The following CLVS1 variants were observed in gnomAD, a reference collection of about 807,000 sequenced individuals.
The protein encoded by CLVS1 is clavesin 1, also known as clavesin-1.
Under a neutral mutation model 33.1 loss-of-function variants are expected in CLVS1, and 10 were observed. The observed-to-expected ratio is 0.30, with a 90% CI of 0.19 to 0.51. CLVS1 has a LOEUF of 0.51. CLVS1 is among the 20% of genes least tolerant of loss of function. The probability of loss-of-function intolerance (pLI) is 0.97; values close to 1 mark genes in which losing one functional copy is unlikely to be tolerated. For missense variants in CLVS1, 343 were observed against 433.4 expected (o/e 0.79, Z 1.85); for synonymous variants, 163 against 166.1 (o/e 0.98, Z 0.14).
the CLVS1 span, among the ~76,000 whole-genome samples, chr8:60,978,035 G>C: frequency 6.6e-6 from 1 of 152,188 alleles, no homozygotes; most frequent in Non-Finnish European, 1.5e-5. Context: ...TGGAAACCAA[G>C]AATTGTATAT....
At chr8:61,123,736 G>A (rs1805920788) in intron 1 of CLVS1, among the ~76,000 whole-genome samples, 1 of 152,158 alleles carries the variant, frequency 6.6e-6, no homozygotes. Context: ...AAAGCCTGTG[G>A]AGGAATGGCC....
chr8:61,184,329 A>G (rs1807299305), intron 2 of CLVS1, among the ~76,000 whole-genome samples: 1 of 152,222 alleles, frequency 6.6e-6, no homozygotes, highest in African/African-American at 2.4e-5. Context: ...TGCAGATATC[A>G]ACTTTCCAAA....
At chr8:61,124,782 T>C (rs936976940) in intron 1 of CLVS1, among the ~76,000 whole-genome samples, 1 of 152,156 alleles carries the variant, frequency 6.6e-6, no homozygotes, top group Non-Finnish European at 1.5e-5. Flanking sequence ...TCAGACCTAG[T>C]CCTTGCTGTC....
At chr8:61,232,196 G>A (rs895773155) in intron 2 of CLVS1, among the ~76,000 whole-genome samples, 13 of 151,632 alleles carry the variant, frequency 8.6e-5, no homozygotes, top group African/African-American at 1.2e-4. Flanking sequence ...AACCATGCCC[G>A]GCTAATTTTT....
At chr8:61,193,666 T>A (rs1807542989) in intron 2 of CLVS1, among the ~76,000 whole-genome samples, 1 of 151,854 alleles carries the variant, frequency 6.6e-6, no homozygotes, top group Admixed American at 6.6e-5. Context: ...TACAAAACTA[T>A]CAAGAATGAA....
chr8:61,225,096 C>T (rs1286173917), intron 2 of CLVS1, among the ~76,000 whole-genome samples: 1 of 152,124 alleles, frequency 6.6e-6, no homozygotes, highest in Non-Finnish European at 1.5e-5. Context: ...GCGGGTGGAT[C>T]GCTTGAGTTC....
chr8:61,205,563 A>T (rs1490035633), intron 2 of CLVS1, among the ~76,000 whole-genome samples: 1 of 152,238 alleles, frequency 6.6e-6, no homozygotes, highest in Non-Finnish European at 1.5e-5. Flanking sequence ...TGCTATGAAC[A>T]TGATGTGCAA....
chr8:61,035,497 G>T, the CLVS1 span, among the ~76,000 whole-genome samples: 13 of 152,284 alleles, frequency 8.5e-5, no homozygotes, highest in South Asian at 1.7e-3. Flanking sequence ...AATGGGCTGG[G>T]TTCTTGTGGC....
At chr8:61,458,787 A>G (rs1018972248) in intron 5 of CLVS1, 2 of 353,334 alleles carry the variant, frequency 5.7e-6, no homozygotes, top group South Asian at 7.6e-5. Context: ...TCATGCCACA[A>G]TTATAGCCCT....
chr8:61,458,149 A>G (rs1456219711), intron 4 of CLVS1, among the ~76,000 whole-genome samples, 158 bp from the exon 5 acceptor site: 1 of 152,260 alleles, frequency 6.6e-6, no homozygotes, highest in African/African-American at 2.4e-5. Flanking sequence ...TTAACATTTT[A>G]TGAAGACTAA....
At chr8:61,256,968 G>T (rs931192300) in intron 2 of CLVS1, among the ~76,000 whole-genome samples, 1 of 152,118 alleles carries the variant, frequency 6.6e-6, no homozygotes, top group African/African-American at 2.4e-5. Flanking sequence ...GACCTGTAAG[G>T]TATTATACTG....
At chr8:61,249,968 T>C (rs957427314) in intron 2 of CLVS1, among the ~76,000 whole-genome samples, 5 of 152,210 alleles carry the variant, frequency 3.3e-5, no homozygotes, top group Admixed American at 6.5e-5. Context: ...GTTTTTGGTA[T>C]TTTAGACATG....
At chr8:61,016,250 AC>A in the CLVS1 span, among the ~76,000 whole-genome samples, 1 of 152,202 alleles carries the variant, frequency 6.6e-6, no homozygotes, top group Non-Finnish European at 1.5e-5. Flanking sequence ...AAATCCCAAA[AC>A]CCAGAAATGC....
the CLVS1 span, among the ~76,000 whole-genome samples, chr8:60,971,305 C>G: frequency 6.6e-6 from 1 of 152,180 alleles, no homozygotes; most frequent in Non-Finnish European, 1.5e-5. Flanking sequence ...CCTGGAGCTC[C>G]TGGGCTCAAG....
intron 5 of CLVS1, chr8:61,464,812 G>A (rs1248479468): frequency 6.6e-6 from 1 of 152,300 alleles, no homozygotes. Flanking sequence ...ATTTCAGGCA[G>A]TGGCAGGATG....
At chr8:60,969,508 T>C in the CLVS1 span, among the ~76,000 whole-genome samples, 8 of 152,246 alleles carry the variant, frequency 5.3e-5, no homozygotes, top group Admixed American at 5.2e-4. Flanking sequence ...TCAGTGGTTG[T>C]GTCTAAACCG....
chr8:61,341,708 G>C (rs1812035207), intron 2 of CLVS1, among the ~76,000 whole-genome samples: 1 of 152,200 alleles, frequency 6.6e-6, no homozygotes, highest in African/African-American at 2.4e-5. Context: ...GATACATGTA[G>C]GAGACAGTCT....
At chr8:61,073,869 G>A (rs1220447550) in intron 1 of CLVS1, among the ~76,000 whole-genome samples, 1 of 151,616 alleles carries the variant, frequency 6.6e-6, no homozygotes, top group African/African-American at 2.4e-5. Flanking sequence ...AAAATTAGCC[G>A]GGCTAGGTGG....
chr8:61,043,260 T>C, the CLVS1 span, among the ~76,000 whole-genome samples: 1 of 152,194 alleles, frequency 6.6e-6, no homozygotes, highest in Non-Finnish European at 1.5e-5. Context: ...GTAAAAGCTA[T>C]TGTCATAGGA....
Sources: allele counts gnomAD v4.1 joint callset (sites outside exome capture counted in the v4.1 genomes callset), GRCh38; gene constraint gnomAD v4.1.1; transcripts MANE v1.5; gene names NCBI Gene and HGNC (gene_info 2026-07-23, HGNC 2026-07-21).